PRKCA: variants seen among roughly 807,000 people sequenced by gnomAD.
PRKCA encodes the protein protein kinase C alpha, also known as protein kinase C alpha type.
In PRKCA, 27 loss-of-function variants were observed where a neutral mutation model predicts 87.0. That is an observed-to-expected ratio of 0.31 (90% CI 0.23 to 0.43). The LOEUF (loss-of-function observed/expected upper bound fraction) is 0.43. PRKCA is among the 20% of genes least tolerant of loss of function. PRKCA has a pLI of 1.00. For missense variants in PRKCA, 518 were observed against 852.3 expected, an observed-to-expected ratio of 0.61 and a Z score of 4.88; for synonymous variants, 329 against 311.1, an observed-to-expected ratio of 1.06 and a Z score of -0.61.
intron 2 of PRKCA, among the ~76,000 whole-genome samples, chr17:66,417,848 C>G (rs1189748600): frequency 6.6e-6 from 1 of 152,162 alleles, no homozygotes; most frequent in African/African-American, 2.4e-5. Flanking sequence ...TCAGGCCATT[C>G]TTTGGTTCAC....
chr17:66,329,925 G>A (rs781184673), intron 2 of PRKCA, among the ~76,000 whole-genome samples: 4 of 152,008 alleles, frequency 2.6e-5, no homozygotes, highest in Non-Finnish European at 5.9e-5. Flanking sequence ...GGTGTGAATC[G>A]TGTTCTCTCT....
intron 5 of PRKCA, among the ~76,000 whole-genome samples, chr17:66,662,695 T>A (rs1971939308): frequency 6.6e-6 from 1 of 151,716 alleles, no homozygotes; most frequent in African/African-American, 2.4e-5. Context: ...GATAAGAGGC[T>A]TTTCCAGGTG....
At chr17:66,341,451 G>A (rs905800493) in intron 2 of PRKCA, among the ~76,000 whole-genome samples, 2 of 152,184 alleles carry the variant, frequency 1.3e-5, no homozygotes, top group African/African-American at 4.8e-5. Flanking sequence ...AATTAAGTGA[G>A]GCGTGTTGTT....
intron 3 of PRKCA, among the ~76,000 whole-genome samples, chr17:66,517,949 G>T (rs768248288): frequency 6.6e-6 from 1 of 152,124 alleles, no homozygotes; most frequent in Non-Finnish European, 1.5e-5. Context: ...ACGGCTGCAG[G>T]TTCCCTTTTG....
At chr17:66,307,775 C>G (rs1904899747) in intron 2 of PRKCA, among the ~76,000 whole-genome samples, 2 of 152,048 alleles carry the variant, frequency 1.3e-5, no homozygotes, top group African/African-American at 4.8e-5. Context: ...CAACATAACT[C>G]CCTTTTACCT....
At chr17:66,684,933 G>T (rs1972585266) in intron 5 of PRKCA, among the ~76,000 whole-genome samples, 7 of 152,164 alleles carry the variant, frequency 4.6e-5, no homozygotes. Flanking sequence ...CATTCCTCAT[G>T]GGAGAGCTCC....
In PRKCA at chr17:66,639,725, G is replaced by A. The variant is rs574346872; in HGVS notation, c.289-1630G>A. Among the ~76,000 whole-genome samples, 65 of 152,158 alleles carry A rather than the reference G, an allele frequency of 4.3e-4. 1 individual carries two copies. Among genetic ancestry groups the A allele is most frequent in the African/African-American group, 1.3e-3 (54 of 41,548 alleles). ...TTAATAAACAGAGGAGGCTGGGCGC[G>A]GTGGCGCATGCCTGTAATCCCAGCA... On this transcript the variant is annotated intron_variant, in intron 3 of 16. Transcript: ENST00000413366.
At chr17:66,731,258 C>T (rs1201471448) in intron 8 of PRKCA, among the ~76,000 whole-genome samples, 3 of 149,928 alleles carry the variant, frequency 2.0e-5, no homozygotes, top group Non-Finnish European at 4.4e-5. Context: ...GCAGGAGAAT[C>T]GCTTGAACCT....
chr17:66,624,093 G>A (rs1006997212), intron 3 of PRKCA, among the ~76,000 whole-genome samples: 6 of 152,076 alleles, frequency 3.9e-5, no homozygotes, highest in Admixed American at 6.6e-5. Context: ...AATGGTAGCC[G>A]GACTAAGTAG....
rs191722200 is a variant in PRKCA at position 66,533,699 on chromosome 17, C to T, written c.288+37416C>T. Among the ~76,000 whole-genome samples, 966 of 140,666 alleles carry T rather than the reference C, an allele frequency of 6.9e-3. 31 individuals carry two copies. Among genetic ancestry groups the T allele is most frequent in the Admixed American group, 0.059 (842 of 14,216 alleles). The allele number at this position is 140,666 out of a possible 152,430, so 92.3% of individuals were successfully genotyped here. ...ATCCAGAGGAGACTGTCCAGGCTGC[C>T]GCCCCCACTGGCCAGGCAGACCCCG... On this transcript the variant is annotated intron_variant, in intron 3 of 16. Transcript: ENST00000413366.
intron 16 of PRKCA, among the ~76,000 whole-genome samples, chr17:66,797,177 G>A (rs540578725): frequency 1.3e-5 from 2 of 152,284 alleles, no homozygotes; most frequent in East Asian, 1.9e-4. Flanking sequence ...GCCAACTCCT[G>A]CATTGCATCT....
chr17:66,664,702 G>A (rs974785677), intron 5 of PRKCA, among the ~76,000 whole-genome samples: 1 of 134,852 alleles, frequency 7.4e-6, no homozygotes, highest in Admixed American at 8.5e-5. Context: ...CACTCAGGCT[G>A]GAGGGCAGTG....
intron 5 of PRKCA, among the ~76,000 whole-genome samples, chr17:66,677,862 C>T (rs909304478): frequency 2.0e-5 from 3 of 152,122 alleles, no homozygotes; most frequent in Non-Finnish European, 4.4e-5. Context: ...TAATATTCAC[C>T]CTTTAAAAAT....
At chr17:66,679,560 T>C (rs1972435316) in intron 5 of PRKCA, among the ~76,000 whole-genome samples, 1 of 152,244 alleles carries the variant, frequency 6.6e-6, no homozygotes, top group African/African-American at 2.4e-5. Context: ...GACATAGCTG[T>C]GCAGGCTTTG....
intron 3 of PRKCA, among the ~76,000 whole-genome samples, chr17:66,607,380 T>G (rs1248327587): frequency 6.6e-6 from 1 of 152,236 alleles, no homozygotes; most frequent in African/African-American, 2.4e-5. Flanking sequence ...ATGAACTGCC[T>G]TTTAAAAGCT....
chr17:66,770,207 A>G (rs553408765), intron 13 of PRKCA, among the ~76,000 whole-genome samples: 1 of 152,350 alleles, frequency 6.6e-6, no homozygotes, highest in South Asian at 2.1e-4. Flanking sequence ...TCATGCATCC[A>G]GTCACTTATC....
chr17:66,481,839 A>G (rs2144054311), intron 2 of PRKCA, among the ~76,000 whole-genome samples: 1 of 152,252 alleles, frequency 6.6e-6, no homozygotes, highest in Non-Finnish European at 1.5e-5. Flanking sequence ...GTGGTGGCTC[A>G]TGCCTATAAT....
At chr17:66,398,710 C>A (rs528634811) in intron 2 of PRKCA, among the ~76,000 whole-genome samples, 10 of 152,018 alleles carry the variant, frequency 6.6e-5, no homozygotes, top group South Asian at 2.1e-4. Context: ...AATTAATGAA[C>A]GAGAAAGGCA....
intron 3 of PRKCA, among the ~76,000 whole-genome samples, chr17:66,502,123 C>T (rs1916759745): frequency 6.6e-6 from 1 of 152,192 alleles, no homozygotes; most frequent in East Asian, 1.9e-4. Context: ...ATGAAGCCCA[C>T]CCTGCTATGA....
Sources: allele counts gnomAD v4.1 joint callset (sites outside exome capture counted in the v4.1 genomes callset), GRCh38; gene constraint gnomAD v4.1.1; transcripts MANE v1.5; gene names NCBI Gene and HGNC (gene_info 2026-07-23, HGNC 2026-07-21).